KIF13B: variants seen among roughly 807,000 people sequenced by gnomAD.
The protein encoded by KIF13B is kinesin-like protein KIF13B.
A neutral mutation model predicts 222.0 loss-of-function variants in KIF13B; 127 were observed. The observed-to-expected ratio is 0.57, with a 90% CI of 0.50 to 0.66. The LOEUF is 0.66. Among genes scored for constraint, KIF13B ranks in the 30% least tolerant of loss-of-function variants. The probability of loss-of-function intolerance (pLI) is 0.00; values close to 1 mark genes in which losing one functional copy is unlikely to be tolerated. For synonymous variants in KIF13B, 976 were observed against 919.0 expected (o/e 1.06, Z -1.12); for missense variants, 2,173 against 2,379.0 (o/e 0.91, Z 1.80).
At position 29,140,487 on chromosome 8, in the gene KIF13B, A is replaced by G; in HGVS notation, c.2465T>C (p.Ile822Thr). 6.2e-7 allele frequency: 1 copy of G among 1,613,860 alleles called. No homozygotes were observed. Among genetic ancestry groups the G allele is most frequent in the Non-Finnish European group, 8.5e-7 (1 of 1,179,796 alleles). The change falls in exon 20 of 40, where the codon ATC becomes ACC. Residue 822 changes from isoleucine to threonine, a missense_variant. Physicochemically the swap from Ile to Thr is moderately conservative, Grantham distance 89. Coordinates refer to ENST00000524189, the MANE Select transcript of KIF13B (RefSeq NM_015254.4). ...YDVKLQYAVP[I>T]INQKGEVAGR... ...ACCAACCTCTCCTTTCTGGTTGATG[A>G]TGGGAACAGCGTATTGTAACTTCAC...
Position 29,150,285 on chromosome 8 carries a change from A to G in KIF13B, c.1622+12T>C. ...TCAACAATCTCTTTAAGGGACATGA[A>G]CAACATCATACCTGAAGAAATGATT... On this transcript the variant is annotated intron_variant, in intron 15 of 39. Coordinates refer to ENST00000524189, the MANE Select transcript of KIF13B (RefSeq NM_015254.4). 1.4e-6 allele frequency: 2 copies of G among 1,467,510 alleles called. No homozygotes were observed. Among genetic ancestry groups the G allele is most frequent in the Non-Finnish European group, 1.9e-6 (2 of 1,054,404 alleles). 90.9% of individuals were successfully genotyped at this position (1,467,510 alleles called of 1,614,324 possible). A position where few individuals can be genotyped will look rare whatever the true frequency, so the allele number is the denominator to read the frequency against.
chr8:29,197,002 C>T lies in KIF13B; in HGVS notation c.150-803G>A, dbSNP rs567891028. 1.2e-4 allele frequency among the ~76,000 whole-genome samples: 18 copies of T among 152,316 alleles called. 1 individual carries two copies. In the South Asian group the frequency reaches 3.3e-3, roughly 28 times the overall value. ...CTTCTAACCTCCCACCTTCCTCCCACTGAAACTGCCACTTACTGACATCTC... is the reference window on the plus strand; with the variant it reads ...CTTCTAACCTCCCACCTTCCTCCCATTGAAACTGCCACTTACTGACATCTC... On this transcript the variant is annotated intron_variant, in intron 2 of 39. Coordinates refer to ENST00000524189, the MANE Select transcript of KIF13B (RefSeq NM_015254.4).
intron 26 of KIF13B, among the ~76,000 whole-genome samples, chr8:29,124,627 T>A (rs978332148): frequency 1.3e-5 from 2 of 152,236 alleles, no homozygotes; most frequent in East Asian, 3.9e-4. Flanking sequence ...CTCACATCTG[T>A]AATGCCAGCA....
chr8:29,262,525 CGGGGTCCCGG>C (rs547277027), intron 1 of KIF13B, among the ~76,000 whole-genome samples: 8 of 151,200 alleles, frequency 5.3e-5, no homozygotes, highest in East Asian at 3.9e-4. Flanking sequence ...GGGCGAGACG[CGGGGTCCCGG>C]GGGGTCCCGG....
rs191467991 is a variant in KIF13B, at chr8:29,186,587, C to T, written c.317-115G>A. ...AAACGCCAAAATGCAGTGAGAAATA[C>T]ACCCAAATATAATGAGAATAATAAG... On this transcript the variant is annotated intron_variant, in intron 5 of 39. Coordinates refer to ENST00000524189, the MANE Select transcript of KIF13B (RefSeq NM_015254.4). 1.3e-3 allele frequency: 914 copies of T among 722,414 alleles called. 3 individuals are homozygous for T. The African/African-American group carries it at 0.014, about 11-fold the overall frequency. The allele number at this position is 722,414 out of a possible 1,614,324, so 44.8% of individuals were successfully genotyped here. A position where few individuals can be genotyped will look rare whatever the true frequency, so the allele number is the denominator to read the frequency against.
intron 37 of KIF13B, among the ~76,000 whole-genome samples, chr8:29,079,484 T>C (rs1807709201): frequency 6.6e-6 from 1 of 152,214 alleles, no homozygotes; most frequent in Non-Finnish European, 1.5e-5. Flanking sequence ...TTTCCTTACA[T>C]AAAACAGTAG....
chr8:29,177,479 T>A lies in KIF13B; in HGVS notation c.820A>T (p.Ser274Cys). 1 of 1,608,426 alleles carries A rather than the reference T, an allele frequency of 6.2e-7. No homozygotes were observed. The highest frequency in any genetic ancestry group is 8.5e-7 in the Non-Finnish European group (1 of 1,174,786). ...GAGAGCACTTACTTGTTAATGTTGCTCCCTTCCTTCAGCCTGTCCCCTGCA... is the reference window on the plus strand; with the variant it reads ...GAGAGCACTTACTTGTTAATGTTGCACCCTTCCTTCAGCCTGTCCCCTGCA... ...GAAGDRLKEGSNINKSLTTLG... is the reference protein window; with the variant it reads ...GAAGDRLKEGCNINKSLTTLG... Residue 274 changes from serine to cysteine, a missense_variant, in exon 9 of 40, where the codon AGC (serine) becomes TGC (cysteine). Ser to Cys is a moderately radical substitution (Grantham distance 112, BLOSUM62 -1). Around this residue, in one of 2 missense-constraint regions of KIF13B, gnomAD observed 1,480 missense variants for 1,722.8 expected, o/e 0.86. Transcript: ENST00000524189.
At position 29,118,939 on chromosome 8, in the gene KIF13B, C is replaced by G. The variant is rs1426208158; in HGVS notation, c.3589G>C (p.Asp1197His). The G allele has an allele frequency of 2.5e-6, 4 of 1,613,856 alleles. No individual in the cohort carries two copies. Among genetic ancestry groups the G allele is most frequent in the Non-Finnish European group, 3.4e-6 (4 of 1,179,774 alleles). The change falls in exon 30 of 40, where the codon GAT becomes CAT. Residue 1197 changes from aspartate to histidine, a missense_variant. Around this residue, in one of 2 missense-constraint regions of KIF13B, gnomAD observed 1,480 missense variants for 1,722.8 expected, o/e 0.86. Transcript: ENST00000524189. ...TCTTCTTCCCCAGTCAAGGTCGCATCCCATCCACCAGCTTCTGGGTCATCA... is the reference window on the plus strand; with the variant it reads ...TCTTCTTCCCCAGTCAAGGTCGCATGCCATCCACCAGCTTCTGGGTCATCA... Reference protein sequence around the residue: ...NLDDPEAGGWDATLTGEEEEE... With the variant: ...NLDDPEAGGWHATLTGEEEEE...
chr8:29,078,109 C>A (rs574693164), intron 37 of KIF13B, among the ~76,000 whole-genome samples: 1 of 114,134 alleles, frequency 8.8e-6, no homozygotes, highest in African/African-American at 3.5e-5. Context: ...ATGGTGAAAC[C>A]GTGTCTCTAC....
chr8:29,251,592 G>T (rs1302642920), intron 1 of KIF13B, among the ~76,000 whole-genome samples: 1 of 152,052 alleles, frequency 6.6e-6, no homozygotes, highest in Non-Finnish European at 1.5e-5. Context: ...GTAGAATGGG[G>T]GTTATGAGGG....
rs1294816891 is a variant in KIF13B, at chr8:29,160,728, T to C, written c.1404+5A>G. 6.2e-7 allele frequency: 1 copy of C among 1,610,570 alleles called. No homozygotes were observed. The highest frequency in any genetic ancestry group is 1.1e-5 in the South Asian group (1 of 90,288). On this transcript the variant is annotated splice_donor_5th_base_variant and intron_variant, in intron 13 of 39. Transcript: ENST00000524189. Reference sequence around the variant, plus strand: ...AGAATCTAGTAGCAAAGCACATTACTTCACCTTTAAATAGTACACCAGAAG... The same window carrying C: ...AGAATCTAGTAGCAAAGCACATTACCTCACCTTTAAATAGTACACCAGAAG...
intron 35 of KIF13B, among the ~76,000 whole-genome samples, chr8:29,103,444 A>G (rs1808895186): frequency 6.6e-6 from 1 of 152,162 alleles, no homozygotes; most frequent in African/African-American, 2.4e-5. Context: ...GTTTCATTAT[A>G]CCTAGAGAAA....
chr8:29,090,094 C>T (rs996658517), intron 37 of KIF13B, among the ~76,000 whole-genome samples: 6 of 152,130 alleles, frequency 3.9e-5, no homozygotes, highest in African/African-American at 1.4e-4. Context: ...ACTGAAGGCG[C>T]TTCACATGCT....
chr8:29,245,314 T>A (rs376648265), intron 2 of KIF13B, 32 bp downstream of exon 2: 1 of 1,437,372 alleles, frequency 7.0e-7, no homozygotes, highest in East Asian at 2.3e-5. Context: ...TACTTAAACA[T>A]CCATTGAGCA....
intron 31 of KIF13B, among the ~76,000 whole-genome samples, chr8:29,115,314 T>TA (rs201922525): frequency 0.13 from 19,072 of 147,314 alleles, 1,320 homozygotes; most frequent in Non-Finnish European, 0.16. Flanking sequence ...GCAAAACCAG[T>TA]AAAAAAAAAG....
chr8:29,097,679 A>G (rs768536503), intron 36 of KIF13B, among the ~76,000 whole-genome samples: 2 of 152,256 alleles, frequency 1.3e-5, no homozygotes, highest in Non-Finnish European at 2.9e-5. Context: ...TAGAATGAAA[A>G]TGAAAGCACA....
At chr8:29,194,515 T>A (rs1288832796) in intron 3 of KIF13B, among the ~76,000 whole-genome samples, 1 of 152,148 alleles carries the variant, frequency 6.6e-6, no homozygotes, top group Admixed American at 6.5e-5. Flanking sequence ...CTAAGGTCCC[T>A]CCTCTGCACC....
intron 38 of KIF13B, 25 bp downstream of exon 38, chr8:29,075,256 G>T (rs1807499380): frequency 6.5e-7 from 1 of 1,549,892 alleles, no homozygotes; most frequent in Non-Finnish European, 8.7e-7. Context: ...AGGTGGGGTG[G>T]CCACCCGTGA....
chr8:29,129,017 C>A (rs1810233715), intron 24 of KIF13B, among the ~76,000 whole-genome samples: 1 of 152,154 alleles, frequency 6.6e-6, no homozygotes, highest in African/African-American at 2.4e-5. Flanking sequence ...CCAAATGGAC[C>A]TAATTTATGG....
Sources: allele counts gnomAD v4.1 joint callset (sites outside exome capture counted in the v4.1 genomes callset), GRCh38; gene constraint gnomAD v4.1.1; regional missense constraint gnomAD v4.1.1; transcripts MANE v1.5; gene names NCBI Gene and HGNC (gene_info 2026-07-23, HGNC 2026-07-21).